Variants in MAD2L1BP observed in about 807,000 individuals in gnomAD.
MAD2L1BP encodes the protein MAD2L1-binding protein.
MAD2L1BP carries 22 observed loss-of-function variants against 28.4 expected under a neutral mutation model. The observed-to-expected ratio is 0.77, with a 90% CI of 0.55 to 1.10. The LOEUF is 1.10. Among genes scored for constraint, MAD2L1BP ranks in the 50% least tolerant of loss-of-function variants. MAD2L1BP has a pLI of 0.00. For synonymous variants in MAD2L1BP, 146 were observed against 133.7 expected (o/e 1.09, Z -0.63); for missense variants, 325 against 350.5 (o/e 0.93, Z 0.58).
intron 1 of MAD2L1BP, 124 bp from the exon 2 acceptor site, chr6:43,636,257 T>C: frequency 1.1e-6 from 1 of 877,932 alleles, no homozygotes; most frequent in Non-Finnish European, 1.8e-6. Context: ...CTGCGGAGGA[T>C]ATGGGCGTAT....
At chr6:43,631,977 G>T (rs1769948868), upstream of MAD2L1BP, among the ~76,000 whole-genome samples, 3 of 152,040 alleles carry the variant, frequency 2.0e-5, no homozygotes, top group Admixed American at 6.6e-5. Context: ...TTGGCTCACG[G>T]CAACCTCCTC....
upstream of MAD2L1BP, among the ~76,000 whole-genome samples, chr6:43,634,683 C>G (rs1229158504): frequency 6.6e-6 from 1 of 152,146 alleles, no homozygotes; most frequent in Non-Finnish European, 1.5e-5. Context: ...GCCTCAGCCT[C>G]CTGAGTAGCT....
chr6:43,630,953 A>G (rs1034822156), upstream of MAD2L1BP, among the ~76,000 whole-genome samples: 2 of 151,664 alleles, frequency 1.3e-5, no homozygotes, highest in African/African-American at 2.4e-5. Flanking sequence ...AAATTAAGCA[A>G]CTCTTCTCTC....
intron 1 of MAD2L1BP, among the ~76,000 whole-genome samples, chr6:43,630,833 C>T (rs77429323): frequency 0.038 from 5,220 of 137,560 alleles, 330 homozygotes; most frequent in African/African-American, 0.14. Context: ...CGCTTGAACT[C>T]GGGAGGTAGA....
At position 43,640,939 on chromosome 6, in the gene MAD2L1BP, A is replaced by G. The variant is rs1198221059; in HGVS notation, c.*406A>G. 5.2e-6 allele frequency: 1 copy of G among 191,246 alleles called. No individual in the cohort carries two copies. The highest frequency in any genetic ancestry group is 1.1e-5 in the Non-Finnish European group (1 of 91,762). 11.8% of individuals were successfully genotyped at this position (191,246 alleles called of 1,614,324 possible). A position where few individuals can be genotyped will look rare whatever the true frequency, so the allele number is the denominator to read the frequency against. On this transcript the variant is annotated 3_prime_UTR_variant, in exon 3 of 3. Transcript: ENST00000372171. ...AATATAAAATAAATAGATTCTTATTATATTTTCCTGAAATTGTTTTGACTT... is the reference window on the plus strand; with the variant it reads ...AATATAAAATAAATAGATTCTTATTGTATTTTCCTGAAATTGTTTTGACTT...
chr6:43,632,899 G>A (rs898347004), upstream of MAD2L1BP, among the ~76,000 whole-genome samples: 9 of 150,740 alleles, frequency 6.0e-5, no homozygotes, highest in Non-Finnish European at 1.3e-4. Context: ...GTGGGCACCT[G>A]TAATCCCAGC....
At chr6:43,634,687 A>G (rs1316255131), upstream of MAD2L1BP, among the ~76,000 whole-genome samples, 1 of 152,002 alleles carries the variant, frequency 6.6e-6, no homozygotes, top group Non-Finnish European at 1.5e-5. Context: ...CAGCCTCCTG[A>G]GTAGCTGGGA....
At chr6:43,631,963 G>A (rs529922700), upstream of MAD2L1BP, among the ~76,000 whole-genome samples, 5 of 151,782 alleles carry the variant, frequency 3.3e-5, no homozygotes, top group South Asian at 2.1e-4. Context: ...GCAATGGCGC[G>A]ATCTTGGCTC....
In MAD2L1BP at chr6:43,640,286, C is replaced by T. The variant is rs1301092651; in HGVS notation, c.578C>T (p.Ala193Val). 6.2e-7 allele frequency: 1 copy of T among 1,613,626 alleles called. No homozygotes were observed. The highest frequency in any genetic ancestry group is 8.5e-7 in the Non-Finnish European group (1 of 1,179,850). Residue 193 changes from alanine (A) to valine (V), a missense_variant, in exon 3 of 3, where the codon GCC (alanine) becomes GTC (valine). Physicochemically the swap from Ala to Val is moderately conservative, Grantham distance 64 (BLOSUM62 0). Coordinates refer to ENST00000372171, the MANE Select transcript of MAD2L1BP (RefSeq NM_014628.3). ...GCTTGTTTGCGCCGTCTCTTCCGAG[C>T]CATATTCATGGCTGATGCCTTTAGC... ...TAACLRRLFR[A>V]IFMADAFSEL... is the part of the protein sequence containing the mutation.
chr6:43,633,254 C>T (rs1468208830), upstream of MAD2L1BP: 1 of 412,284 alleles, frequency 2.4e-6, no homozygotes, highest in Non-Finnish European at 4.7e-6. Context: ...CTCACCACAA[C>T]TTCCGCCTCC....
intron 2 of MAD2L1BP, among the ~76,000 whole-genome samples, chr6:43,638,761 A>G (rs1290308045): frequency 6.6e-6 from 1 of 151,384 alleles, no homozygotes; most frequent in Non-Finnish European, 1.5e-5. Flanking sequence ...GCGCCACTGT[A>G]CTCCAGCCTG....
intron 1 of MAD2L1BP, chr6:43,629,849 A>T (rs1769785975): frequency 6.8e-7 from 1 of 1,477,816 alleles, no homozygotes; most frequent in African/African-American, 1.4e-5. Flanking sequence ...TGATTATGCT[A>T]CCTTTACATA....
rs1329628180 is a variant in MAD2L1BP, at chr6:43,639,164, G to A, written c.313-857G>A. On this transcript the variant is annotated intron_variant, in intron 2 of 2. Coordinates refer to ENST00000372171, the MANE Select transcript of MAD2L1BP (RefSeq NM_014628.3). The stretch of plus-strand genomic sequence containing the variant: ...TCTTTCTTTTTTTTTTTTTGAGACA[G>A]AGTCTCGCTCTGTCACCCAGGCTAG... Among the ~76,000 whole-genome samples the A allele has an allele frequency of 5.3e-5, 8 of 150,624 alleles. No homozygotes were observed. The East Asian group carries it at 1.4e-3, about 26-fold the overall frequency.
intron 2 of MAD2L1BP, among the ~76,000 whole-genome samples, chr6:43,639,639 A>T (rs1419776462): frequency 6.6e-6 from 1 of 152,140 alleles, no homozygotes; most frequent in Non-Finnish European, 1.5e-5. Context: ...ACTATGTTTA[A>T]GTGGAAGAAC....
At position 43,635,865 on chromosome 6, in the gene MAD2L1BP, G is replaced by C. The variant is rs1298352606; in HGVS notation, c.-11G>C. On this transcript the variant is annotated 5_prime_UTR_variant, in exon 1 of 3. Coordinates refer to ENST00000372171, the MANE Select transcript of MAD2L1BP (RefSeq NM_014628.3). ...ATTCTAACCGCAAGGAGTAGCGGAG[G>C]GGAGGTCGTGATGGCGGCGCCGGAG... The C allele has an allele frequency of 6.8e-7, 1 of 1,477,674 alleles. No homozygotes were observed. 91.5% of individuals were successfully genotyped at this position (1,477,674 alleles called of 1,614,324 possible).
intron 2 of MAD2L1BP, among the ~76,000 whole-genome samples, chr6:43,638,080 T>C (rs1770347783): frequency 6.6e-6 from 1 of 152,016 alleles, no homozygotes; most frequent in African/African-American, 2.4e-5. Context: ...GTATTTTTAG[T>C]AGAGACAGGG....
chr6:43,634,397 A>G (rs569816202), upstream of MAD2L1BP, among the ~76,000 whole-genome samples: 1 of 151,792 alleles, frequency 6.6e-6, no homozygotes, highest in Non-Finnish European at 1.5e-5. Flanking sequence ...CTTTAAAAAA[A>G]AATTTTTAAT....
chr6:43,634,614 A>G (rs765707154), upstream of MAD2L1BP, among the ~76,000 whole-genome samples: 3 of 151,640 alleles, frequency 2.0e-5, no homozygotes, highest in Non-Finnish European at 2.9e-5. Flanking sequence ...AGGCTGGAGT[A>G]TAGTGGTGCG....
chr6:43,631,787 A>T (rs1769939499), upstream of MAD2L1BP, among the ~76,000 whole-genome samples: 1 of 151,548 alleles, frequency 6.6e-6, no homozygotes, highest in Admixed American at 6.6e-5. Flanking sequence ...CACCTGACCT[A>T]CTATTTTATT....
Sources: allele counts gnomAD v4.1 joint callset (sites outside exome capture counted in the v4.1 genomes callset), GRCh38; gene constraint gnomAD v4.1.1; transcripts MANE v1.5; gene names NCBI Gene and HGNC (gene_info 2026-07-23, HGNC 2026-07-21).